The following SHISA6 variants were observed in gnomAD, a reference collection of about 807,000 sequenced individuals.
The protein encoded by SHISA6 is protein shisa-6.
SHISA6 carries 22 observed loss-of-function variants against 47.9 expected under a neutral mutation model. The ratio of observed to expected loss-of-function variants is 0.46; its 90% confidence interval spans 0.33 to 0.66. SHISA6 has a LOEUF of 0.66. Among genes scored for constraint, SHISA6 ranks in the 30% least tolerant of loss-of-function variants. The probability of loss-of-function intolerance (pLI) is 0.02; values close to 1 mark genes in which losing one functional copy is unlikely to be tolerated. For missense variants in SHISA6, 680 were observed against 764.6 expected, an observed-to-expected ratio of 0.89 and a Z score of 1.30; for synonymous variants, 388 against 337.8, an observed-to-expected ratio of 1.15 and a Z score of -1.63.
rs530322450 is a variant in SHISA6, at chr17:11,428,823, C to T, written c.895+49314C>T. Among the ~76,000 whole-genome samples the T allele has an allele frequency of 1.1e-3, 148 of 135,448 alleles. 1 individual carries two copies. Among genetic ancestry groups the T allele is most frequent in the Non-Finnish European group, 1.8e-3 (115 of 65,602 alleles). The allele number at this position is 135,448 out of a possible 152,430, so 88.9% of individuals were successfully genotyped here. On this transcript the variant is annotated intron_variant, in intron 3 of 5. Transcript: ENST00000441885. ...TTTTTGAGACAGAGTTTTGCTCTGT[C>T]GCCCAGGCTGGAGTGCAGTGGCACG...
chr17:11,254,911 A>G (rs12603049), intron 1 of SHISA6, among the ~76,000 whole-genome samples: 12,095 of 152,302 alleles, frequency 0.079, 495 homozygotes, highest in East Asian at 0.18. Context: ...AAATGGGGTT[A>G]TAATTCTATG....
At chr17:11,444,273 C>T (rs1014411096) in intron 3 of SHISA6, among the ~76,000 whole-genome samples, 3 of 151,920 alleles carry the variant, frequency 2.0e-5, no homozygotes, top group Admixed American at 1.3e-4. Context: ...GAGCTGAGAT[C>T]GTGTCACTGC....
chr17:11,379,056 A>G (rs1423095299), intron 2 of SHISA6, among the ~76,000 whole-genome samples: 1 of 151,228 alleles, frequency 6.6e-6, no homozygotes, highest in African/African-American at 2.4e-5. Context: ...ATGTAATGTA[A>G]TGTTCCCAGG....
At chr17:11,474,548 G>A (rs1916009668) in intron 3 of SHISA6, among the ~76,000 whole-genome samples, 2 of 151,940 alleles carry the variant, frequency 1.3e-5, no homozygotes, top group South Asian at 4.1e-4. Context: ...AGCACCATTT[G>A]TTGAGAGAAC....
At chr17:11,286,302 C>T (rs892709795) in intron 2 of SHISA6, among the ~76,000 whole-genome samples, 1 of 152,216 alleles carries the variant, frequency 6.6e-6, no homozygotes, top group Admixed American at 6.5e-5. Flanking sequence ...CACACATCCA[C>T]ATATCCTGGG....
chr17:11,345,916 T>C (rs566988632), intron 2 of SHISA6, among the ~76,000 whole-genome samples: 82 of 152,210 alleles, frequency 5.4e-4, no homozygotes, highest in African/African-American at 1.8e-3. Flanking sequence ...ATACAGATAG[T>C]TTCTCTCTTT....
chr17:11,554,983 A>C (rs1256521677), intron 4 of SHISA6, among the ~76,000 whole-genome samples: 1 of 151,032 alleles, frequency 6.6e-6, no homozygotes, highest in African/African-American at 2.4e-5. Flanking sequence ...AATGAACAAC[A>C]CTCCTTTCCA....
At chr17:11,396,624 C>T (rs534220979) in intron 3 of SHISA6, among the ~76,000 whole-genome samples, 2 of 152,124 alleles carry the variant, frequency 1.3e-5, no homozygotes, top group African/African-American at 4.8e-5. Flanking sequence ...AAGCGTTCCT[C>T]AACAAACTAA....
intron 2 of SHISA6, among the ~76,000 whole-genome samples, chr17:11,317,571 A>G (rs908064104): frequency 5.3e-5 from 8 of 151,782 alleles, no homozygotes; most frequent in Non-Finnish European, 1.0e-4. Context: ...AAATAATTGA[A>G]TTGCATTTCA....
intron 2 of SHISA6, among the ~76,000 whole-genome samples, chr17:11,308,067 C>G (rs1910188884): frequency 2.0e-5 from 3 of 152,192 alleles, no homozygotes; most frequent in Non-Finnish European, 1.5e-5. Context: ...GAAGTGGGCA[C>G]TAGGGAGGTT....
At chr17:11,485,251 C>T (rs186763816) in intron 3 of SHISA6, among the ~76,000 whole-genome samples, 132 of 152,012 alleles carry the variant, frequency 8.7e-4, no homozygotes, top group Middle Eastern at 3.4e-3. Context: ...AGAGATGCTG[C>T]GGCAGAGGAG....
At chr17:11,346,339 A>G (rs150807959) in intron 2 of SHISA6, among the ~76,000 whole-genome samples, 381 of 152,292 alleles carry the variant, frequency 2.5e-3, no homozygotes, top group African/African-American at 8.9e-3. Context: ...GTTATGGTGT[A>G]TATGTTACAG....
intron 3 of SHISA6, among the ~76,000 whole-genome samples, chr17:11,399,373 C>T (rs1205712168): frequency 6.6e-6 from 1 of 152,100 alleles, no homozygotes; most frequent in Non-Finnish European, 1.5e-5. Context: ...GTGTCACTGA[C>T]AAGTATGGAA....
At chr17:11,329,545 G>T (rs890164967) in intron 2 of SHISA6, among the ~76,000 whole-genome samples, 1 of 152,090 alleles carries the variant, frequency 6.6e-6, no homozygotes, top group Non-Finnish European at 1.5e-5. Context: ...AGGGGATGGG[G>T]TGAAGAGATG....
At chr17:11,452,947 T>C (rs3095676) in intron 3 of SHISA6, among the ~76,000 whole-genome samples, 82,409 of 145,086 alleles carry the variant, frequency 0.57, 25,006 homozygotes, top group African/African-American at 0.81. Flanking sequence ...TCTTCCTCCC[T>C]CTCCTTCTCA....
chr17:11,483,615 T>A (rs1266765238), intron 3 of SHISA6, among the ~76,000 whole-genome samples: 3 of 152,222 alleles, frequency 2.0e-5, no homozygotes, highest in Non-Finnish European at 2.9e-5. Context: ...TACACATTTT[T>A]TATTTATGAA....
intron 2 of SHISA6, among the ~76,000 whole-genome samples, chr17:11,344,578 A>G (rs557021806): frequency 6.6e-6 from 1 of 152,152 alleles, no homozygotes; most frequent in Non-Finnish European, 1.5e-5. Flanking sequence ...ATGGCCGTAA[A>G]TGTAAGGGTT....
intron 2 of SHISA6, among the ~76,000 whole-genome samples, chr17:11,354,795 C>T (rs1912029078): frequency 6.6e-6 from 1 of 152,130 alleles, no homozygotes. Flanking sequence ...TCCTTCCCTC[C>T]AGAAACAGAA....
chr17:11,271,867 C>T (rs1208738460), intron 2 of SHISA6, among the ~76,000 whole-genome samples: 3 of 151,888 alleles, frequency 2.0e-5, no homozygotes, highest in Non-Finnish European at 4.4e-5. Flanking sequence ...TCTGGACTTC[C>T]ACCCTTCCCC....
Sources: allele counts gnomAD v4.1 joint callset (sites outside exome capture counted in the v4.1 genomes callset), GRCh38; gene constraint gnomAD v4.1.1; transcripts MANE v1.5; gene names NCBI Gene and HGNC (gene_info 2026-07-23, HGNC 2026-07-21).